The following FOXK2 variants were observed in gnomAD, a reference collection of about 807,000 sequenced individuals.
The protein encoded by FOXK2 is forkhead box protein K2.
A neutral mutation model predicts 53.3 loss-of-function variants in FOXK2; 24 were observed. The observed-to-expected ratio is 0.45, with a 90% CI of 0.33 to 0.63. The LOEUF (loss-of-function observed/expected upper bound fraction) is 0.63. Among genes scored for constraint, FOXK2 ranks in the 30% least tolerant of loss-of-function variants. The probability of loss-of-function intolerance (pLI) is 0.03; values close to 1 mark genes in which losing one functional copy is unlikely to be tolerated. For missense variants in FOXK2, 952 were observed against 910.5 expected, an observed-to-expected ratio of 1.05 and a Z score of -0.59; for synonymous variants, 505 against 407.1, an observed-to-expected ratio of 1.24 and a Z score of -2.89.
intron 1 of FOXK2, among the ~76,000 whole-genome samples, chr17:82,537,535 C>T (rs989269607): frequency 6.8e-6 from 1 of 147,732 alleles, no homozygotes; most frequent in Admixed American, 6.9e-5. Context: ...AGGAGAATTG[C>T]CTGAACCTGG....
intron 8 of FOXK2, chr17:82,587,625 G>C (rs778871406): frequency 1.1e-5 from 4 of 357,934 alleles, no homozygotes; most frequent in African/African-American, 6.3e-5. Flanking sequence ...GGCCTGTGGC[G>C]GTGCTATGCT....
Position 82,587,200 on chromosome 17 carries a change from A to G in FOXK2, c.1714A>G (p.Ile572Val), listed in dbSNP as rs35870621. The G allele has an allele frequency of 0.03, 48,917 of 1,613,084 alleles. 869 individuals carry two copies. The highest frequency in any genetic ancestry group is 0.035 in the Non-Finnish European group (41,418 of 1,179,972). The part of the protein sequence containing the change: ...QAPLGQHQLP[I>V]KTVTQNGTHV... ...ACCTCTAGGTCAACACCAGCTACCA[A>G]TAAAAACTGTAACACAAAACGGCAC... is the stretch of plus-strand genomic sequence containing the variant. The change falls in exon 8 of 9, where the codon ATA becomes GTA. Residue 572 changes from isoleucine to valine, a missense_variant. This residue lies in a region of FOXK2 where 551 missense variants were observed against 385.1 expected (regional missense o/e 1.43). Coordinates refer to ENST00000335255, the MANE Select transcript of FOXK2 (RefSeq NM_004514.4).
chr17:82,596,436 G>GCCCC (rs1437992517), intron 8 of FOXK2, among the ~76,000 whole-genome samples: 1 of 18,280 alleles, frequency 5.5e-5, no homozygotes, highest in East Asian at 1.5e-3. Context: ...CTTGGTGTAG[G>GCCCC]GGGAGCCTCA....
intron 1 of FOXK2, among the ~76,000 whole-genome samples, chr17:82,555,380 T>C (rs2144099944): frequency 6.6e-6 from 1 of 152,340 alleles, no homozygotes; most frequent in Admixed American, 6.5e-5. Flanking sequence ...ATTTTGCGGC[T>C]CTTTTTAGTG....
chr17:82,551,178 G>A (rs1295324753), intron 1 of FOXK2, among the ~76,000 whole-genome samples: 3 of 151,954 alleles, frequency 2.0e-5, no homozygotes, highest in African/African-American at 4.8e-5. Flanking sequence ...TTAGCCGGGC[G>A]TGGTGGCGGG....
intron 2 of FOXK2, among the ~76,000 whole-genome samples, chr17:82,567,095 G>C (rs2044860196): frequency 1.3e-5 from 2 of 152,040 alleles, no homozygotes. Context: ...CTCGTGTGTT[G>C]CCCTTTCCCT....
intron 8 of FOXK2, chr17:82,600,080 G>A (rs1212628098): frequency 6.6e-6 from 1 of 152,508 alleles, no homozygotes; most frequent in Non-Finnish European, 1.5e-5. Context: ...GCAGTGGCTG[G>A]TGTGTGCGCA....
intron 1 of FOXK2, among the ~76,000 whole-genome samples, chr17:82,541,277 GT>G (rs202234001): frequency 0.016 from 2,291 of 145,866 alleles, 28 homozygotes; most frequent in Non-Finnish European, 0.023. Context: ...ATGATTTACA[GT>G]TTTTTTTTTT....
chr17:82,594,675 G>A (rs1255542952), intron 8 of FOXK2, among the ~76,000 whole-genome samples: 1 of 152,228 alleles, frequency 6.6e-6, no homozygotes, highest in Non-Finnish European at 1.5e-5. Context: ...CCTTGTGAGT[G>A]TCTGCAGATT....
chr17:82,539,392 G>T (rs2044552959), intron 1 of FOXK2, among the ~76,000 whole-genome samples: 1 of 151,528 alleles, frequency 6.6e-6, no homozygotes, highest in Non-Finnish European at 1.5e-5. Context: ...CAGGCCTGTA[G>T]TCTCAACACT....
At chr17:82,572,308 C>T (rs544549840) in intron 4 of FOXK2, among the ~76,000 whole-genome samples, 2 of 152,270 alleles carry the variant, frequency 1.3e-5, no homozygotes, top group Admixed American at 6.5e-5. Flanking sequence ...GTTTTCAAAC[C>T]GCATTTTACC....
At chr17:82,563,233 TG>T in intron 1 of FOXK2, 120 bp from the exon 2 acceptor site, 1 of 882,994 alleles carries the variant, frequency 1.1e-6, no homozygotes, top group Non-Finnish European at 1.7e-6. Flanking sequence ...CACGGTGAGC[TG>T]AGCTTGGAAG....
rs912970848 is a variant in FOXK2 at position 82,558,639 on chromosome 17, G to A, written c.420-4715G>A. Among the ~76,000 whole-genome samples the A allele has an allele frequency of 2.6e-5, 4 of 152,260 alleles. No homozygotes were observed. The East Asian group carries it at 5.8e-4, about 22-fold the overall frequency. On this transcript the variant is annotated intron_variant, in intron 1 of 8. Coordinates refer to ENST00000335255, the MANE Select transcript of FOXK2 (RefSeq NM_004514.4). ...AGCCCTCTCCTGGGAGGACCGGCGG[G>A]GAGTCTGTTCTGCTGGTCAAGGCTG...
rs1390803077 is a variant in FOXK2 at position 82,519,969 on chromosome 17, C to T, written c.81C>T (p.Gly27=). Residue 27 remains glycine, a synonymous_variant, in exon 1 of 9, where the codon GGC becomes GGT. Coordinates refer to ENST00000335255, the MANE Select transcript of FOXK2 (RefSeq NM_004514.4). ...GGGAGGGGAG[G]GGSPPGGWAV... is the part of the protein sequence containing the mutation. Reference sequence around the variant, plus strand: ...GGGCCGGGGGCGGCGGGGCCGGGGGCGGCGGGTCCCCGCCGGGCGGCTGGG... The same window carrying T: ...GGGCCGGGGGCGGCGGGGCCGGGGGTGGCGGGTCCCCGCCGGGCGGCTGGG... 4 of 1,118,366 alleles carry T rather than the reference C, an allele frequency of 3.6e-6. No individual in the cohort carries two copies. Among genetic ancestry groups the T allele is most frequent in the Non-Finnish European group, 4.5e-6 (4 of 897,648 alleles). 69.3% of individuals were successfully genotyped at this position (1,118,366 alleles called of 1,614,324 possible). A position where few individuals can be genotyped will look rare whatever the true frequency, so the allele number is the denominator to read the frequency against.
chr17:82,520,325 GGGGC>G lies in FOXK2; in HGVS notation c.419+26_419+29del. 7 of 1,253,750 alleles carry G rather than the reference GGGGC, an allele frequency of 5.6e-6. No homozygotes were observed. Among genetic ancestry groups the G allele is most frequent in the African/African-American group, 1.6e-5 (1 of 63,932 alleles). The allele number at this position is 1,253,750 out of a possible 1,614,324, so 77.7% of individuals were successfully genotyped here. Reference sequence around the variant, plus strand: ...CCGCGCGTGTGAGTGGCCTCGGGGCGGGGCGGGCGGGGTCTGCGGCCTGCAGCGC... The same window carrying G: ...CCGCGCGTGTGAGTGGCCTCGGGGCGGGGCGGGGTCTGCGGCCTGCAGCGC... On this transcript the variant is annotated intron_variant, in intron 1 of 8. Transcript: ENST00000335255.
intron 7 of FOXK2, among the ~76,000 whole-genome samples, chr17:82,586,451 G>GT (rs1491417518): frequency 1.2e-3 from 2 of 1,610 alleles, no homozygotes; most frequent in Admixed American, 6.0e-3. Flanking sequence ...AAGGTGGGCC[G>GT]GGGGGGGAAA....
intron 4 of FOXK2, among the ~76,000 whole-genome samples, chr17:82,580,914 C>T (rs2045051726): frequency 6.6e-6 from 1 of 151,322 alleles, no homozygotes; most frequent in Non-Finnish European, 1.5e-5. Context: ...CCACACATGG[C>T]CTAGCCCTCC....
intron 4 of FOXK2, among the ~76,000 whole-genome samples, chr17:82,573,562 TCA>T (rs1019671658): frequency 0.039 from 3,270 of 83,182 alleles, 60 homozygotes; most frequent in Admixed American, 0.082. Flanking sequence ...TCTCTCTCTC[TCA>T]CACACACACA....
At chr17:82,584,800 C>T (rs2143107212) in intron 6 of FOXK2, among the ~76,000 whole-genome samples, 1 of 152,332 alleles carries the variant, frequency 6.6e-6, no homozygotes, top group East Asian at 1.9e-4. Context: ...GATCCACCTG[C>T]CTTGGCCTCC....
Sources: gnomAD v4.1 joint callset for allele counts (sites outside exome capture counted in the v4.1 genomes callset) on GRCh38, gnomAD v4.1.1 for gene constraint, gnomAD v4.1.1 regional missense constraint, MANE v1.5 for transcripts, NCBI Gene and HGNC (gene_info 2026-07-23, HGNC 2026-07-21) for gene names.